The following CACNA1A variants were observed in gnomAD, a reference collection of about 807,000 sequenced individuals.
The protein encoded by CACNA1A is voltage-dependent P/Q-type calcium channel subunit alpha-1A.
CACNA1A carries 57 observed loss-of-function variants against 262.4 expected under a neutral mutation model. The ratio of observed to expected loss-of-function variants is 0.22; its 90% confidence interval spans 0.18 to 0.27. The LOEUF (loss-of-function observed/expected upper bound fraction) is 0.27, where lower values mean the gene tolerates loss of function less well. Among genes scored for constraint, CACNA1A ranks in the 10% least tolerant of loss-of-function variants. The probability of loss-of-function intolerance (pLI) is 1.00; values close to 1 mark genes in which losing one functional copy is unlikely to be tolerated. For synonymous variants in CACNA1A, 1,431 were observed against 1,419.3 expected (o/e 1.01, Z -0.18); for missense variants, 2,526 against 3,562.8 (o/e 0.71, Z 7.41).
intron 11 of CACNA1A, 91 bp downstream of exon 11, chr19:13,317,021 A>G: frequency 1.3e-6 from 1 of 789,970 alleles, no homozygotes; most frequent in Admixed American, 2.4e-5. Flanking sequence ...GGACCAAAGA[A>G]GATACACATA....
Position 13,207,480 on chromosome 19 carries a change from GCGAGCGC to G in CACNA1A, c.7347_7353del (p.Arg2450ProfsTer156). On this transcript the variant is annotated frameshift_variant, in exon 47 of 47. Transcript: ENST00000360228. LOFTEE classifies it high-confidence loss of function. The surrounding 1 kb of genome is among the most constrained non-coding windows in gnomAD (Gnocchi z 5.7). ...GGGCCCGAGGCCCGGGGAGTCCTGG[GCGAGCGC>G]CCGGTGGCGCCCGAGGACGCGTGTC... The G allele has an allele frequency of 6.9e-7, 1 of 1,442,448 alleles. No individual in the cohort carries two copies. The highest frequency in any genetic ancestry group is 1.3e-5 in the South Asian group (1 of 74,544). 89.4% of individuals were successfully genotyped at this position (1,442,448 alleles called of 1,614,324 possible).
intron 24 of CACNA1A, 26 bp downstream of exon 24, chr19:13,275,824 A>C: frequency 3.3e-6 from 5 of 1,494,468 alleles, no homozygotes; most frequent in Non-Finnish European, 3.7e-6. Flanking sequence ...AAAAGAGGCA[A>C]GAGGAACCCT....
intron 10 of CACNA1A, among the ~76,000 whole-genome samples, chr19:13,325,834 C>A (rs1358526728): frequency 6.6e-6 from 1 of 152,168 alleles, no homozygotes; most frequent in African/African-American, 2.4e-5. Context: ...CATATGTATA[C>A]ACTATGGAGT....
chr19:13,314,062 G>A (rs542862964), intron 11 of CACNA1A, among the ~76,000 whole-genome samples: 3 of 152,312 alleles, frequency 2.0e-5, no homozygotes, highest in Non-Finnish European at 4.4e-5. Context: ...ATGCCTCAGG[G>A]AGGGGTAAAA....
chr19:13,344,238 A>G (rs955363117), intron 6 of CACNA1A, among the ~76,000 whole-genome samples: 1 of 151,418 alleles, frequency 6.6e-6, no homozygotes, highest in African/African-American at 2.4e-5. Context: ...AAAAAAAAAA[A>G]ATTACAAATT....
At chr19:13,329,674 T>C (rs2058433192) in intron 10 of CACNA1A, among the ~76,000 whole-genome samples, 1 of 151,872 alleles carries the variant, frequency 6.6e-6, no homozygotes, top group Non-Finnish European at 1.5e-5. Flanking sequence ...GGTTTCACCA[T>C]GTTGGCCAGG....
At chr19:13,399,316 C>T (rs537870561) in intron 3 of CACNA1A, among the ~76,000 whole-genome samples, 2 of 151,440 alleles carry the variant, frequency 1.3e-5, no homozygotes, top group Admixed American at 6.6e-5. Context: ...CTAAAGAAAA[C>T]GGTTAATGAG....
At chr19:13,350,459 A>G (rs1331872479) in intron 6 of CACNA1A, among the ~76,000 whole-genome samples, 1 of 152,180 alleles carries the variant, frequency 6.6e-6, no homozygotes, top group African/African-American at 2.4e-5. Context: ...ATAGAAAATA[A>G]TTACCCCTTT....
chr19:13,396,095 C>T (rs890991000), intron 3 of CACNA1A, among the ~76,000 whole-genome samples: 2 of 152,212 alleles, frequency 1.3e-5, no homozygotes, highest in Non-Finnish European at 2.9e-5. Flanking sequence ...ATCTGCCTGC[C>T]TTTTCTCCAA....
chr19:13,239,235 A>G (rs1765182030), intron 31 of CACNA1A, among the ~76,000 whole-genome samples: 1 of 149,638 alleles, frequency 6.7e-6, no homozygotes. Context: ...GGCTGTCTCC[A>G]GGCCAGCCTT....
At chr19:13,209,820 G>A (rs1382642008) in intron 44 of CACNA1A, among the ~76,000 whole-genome samples, 3 of 152,178 alleles carry the variant, frequency 2.0e-5, no homozygotes, top group Admixed American at 2.0e-4. Context: ...CCACAGTTGG[G>A]CAGGCTCAGG....
At chr19:13,277,214 G>T in intron 22 of CACNA1A, 86 bp from the exon 23 acceptor site, 1 of 909,582 alleles carries the variant, frequency 1.1e-6, no homozygotes, top group Non-Finnish European at 1.8e-6. Flanking sequence ...CTACTGGGGA[G>T]CAGAGTTTCT....
intron 24 of CACNA1A, among the ~76,000 whole-genome samples, chr19:13,269,722 A>G (rs1194727691): frequency 6.6e-6 from 1 of 152,194 alleles, no homozygotes; most frequent in Admixed American, 6.5e-5. Flanking sequence ...GGCTCATGAA[A>G]TGGGGTGTTT....
At chr19:13,379,590 C>A (rs904445442) in intron 3 of CACNA1A, among the ~76,000 whole-genome samples, 1 of 152,112 alleles carries the variant, frequency 6.6e-6, no homozygotes, top group Admixed American at 6.6e-5. Flanking sequence ...TCAGTAAAGG[C>A]ACCTGCTCTT....
intron 7 of CACNA1A, 68 bp from the exon 8 acceptor site, chr19:13,334,561 TTGTGTGTGTGTGTGTG>T: frequency 3.2e-6 from 1 of 310,886 alleles, no homozygotes; most frequent in Non-Finnish European, 6.2e-6. Flanking sequence ...GTGTGTGTGT[TTGTGTGTGTGTGTGTG>T]TGTGTGTGTG....
rs986461769 is a variant in CACNA1A, at chr19:13,283,294, A to G, written c.3795T>C (p.Pro1265=). The part of the protein sequence containing the change: ...MSSIALAAED[P]VQPNAPRNNV... ...TGTTCCGAGGTGCGTTGGGCTGCAC[A>G]GGGTCCTCGGCGGCCAGGGCGATGC... The change falls in exon 22 of 47, where the codon CCT becomes CCC. Residue 1265 remains proline, a synonymous_variant. Transcript: ENST00000360228. 3 of 1,614,006 alleles carry G rather than the reference A, an allele frequency of 1.9e-6. No individual in the cohort carries two copies. The East Asian group carries it at 6.7e-5, about 36-fold the overall frequency.
At chr19:13,322,652 G>A (rs1178604576) in intron 10 of CACNA1A, among the ~76,000 whole-genome samples, 1 of 151,670 alleles carries the variant, frequency 6.6e-6, no homozygotes, top group Non-Finnish European at 1.5e-5. Context: ...CTGGAGTGCA[G>A]TGGCATGACG....
At chr19:13,368,589 T>C (rs1299523009) in intron 4 of CACNA1A, among the ~76,000 whole-genome samples, 2 of 152,146 alleles carry the variant, frequency 1.3e-5, no homozygotes, top group African/African-American at 2.4e-5. Context: ...ACTAGGAAAG[T>C]CTATGATCAA....
chr19:13,259,993 T>C (rs2056686709), intron 26 of CACNA1A: 1 of 307,748 alleles, frequency 3.2e-6, no homozygotes, highest in Non-Finnish European at 6.2e-6. Flanking sequence ...GTCCTCAGGG[T>C]GAGAGCCTCA....
Sources: gnomAD v4.1 joint callset for allele counts (sites outside exome capture counted in the v4.1 genomes callset) on GRCh38, gnomAD v4.1.1 for gene constraint, Gnocchi (gnomAD v3.1) non-coding constraint, MANE v1.5 for transcripts, NCBI Gene and HGNC (gene_info 2026-07-23, HGNC 2026-07-21) for gene names.